Variants in DPP9 observed in about 807,000 individuals in gnomAD.
DPP9 encodes dipeptidyl peptidase 9.
Under a neutral mutation model 110.7 loss-of-function variants are expected in DPP9, and 50 were observed. The ratio of observed to expected loss-of-function variants is 0.45; its 90% confidence interval spans 0.36 to 0.57. The LOEUF (loss-of-function observed/expected upper bound fraction) is 0.57, where lower values mean the gene tolerates loss of function less well. DPP9 is among the 20% of genes least tolerant of loss of function. The pLI is 0.00. For missense variants in DPP9, 1,022 were observed against 1,217.9 expected, an observed-to-expected ratio of 0.84 and a Z score of 2.39; for synonymous variants, 561 against 514.4, an observed-to-expected ratio of 1.09 and a Z score of -1.23.
intron 13 of DPP9, among the ~76,000 whole-genome samples, chr19:4,692,342 G>C (rs10406145): frequency 0.34 from 51,888 of 151,972 alleles, 10,421 homozygotes; most frequent in African/African-American, 0.54. Flanking sequence ...AACAAGCTAC[G>C]GCAAACGTGT....
intron 13 of DPP9, among the ~76,000 whole-genome samples, chr19:4,692,815 A>G (rs1311090935): frequency 6.6e-6 from 1 of 152,120 alleles, no homozygotes; most frequent in Non-Finnish European, 1.5e-5. Context: ...AGAAAGTGAA[A>G]CACCAATGAG....
chr19:4,683,966 G>A (rs1457856505), intron 18 of DPP9: 1 of 603,726 alleles, frequency 1.7e-6, no homozygotes, highest in Admixed American at 3.2e-5. Flanking sequence ...GGGTGCCCAG[G>A]CATGTGCAAG....
rs1316937764 is a variant in DPP9 at position 4,700,650 on chromosome 19, C to T, written c.1013-373G>A. Among the ~76,000 whole-genome samples, 1 of 152,134 alleles carries T rather than the reference C, an allele frequency of 6.6e-6. No individual in the cohort carries two copies. Among genetic ancestry groups the T allele is most frequent in the Non-Finnish European group, 1.5e-5 (1 of 68,018 alleles). ...GAGCTCCAGAGCAGACGGTGAAGCCCGAGGCATCACAGTAAAACTGACAAC... is the reference window on the plus strand; with the variant it reads ...GAGCTCCAGAGCAGACGGTGAAGCCTGAGGCATCACAGTAAAACTGACAAC... On this transcript the variant is annotated intron_variant, in intron 9 of 21. Transcript: ENST00000262960. This position sits in a 1 kb window ranked among gnomAD's most constrained non-coding sequence, Gnocchi z 4.3.
At chr19:4,677,149 A>G (rs1337976280) in intron 21 of DPP9, among the ~76,000 whole-genome samples, 2 of 152,128 alleles carry the variant, frequency 1.3e-5, no homozygotes, top group African/African-American at 2.4e-5. Flanking sequence ...TTAGCGCCCA[A>G]GGGGGATCAA....
rs2089972546 is a variant in DPP9, at chr19:4,682,007, C to G, written c.2474+689G>C. On this transcript the variant is annotated intron_variant, in intron 20 of 21. Coordinates refer to ENST00000262960, the MANE Select transcript of DPP9 (RefSeq NM_139159.5). The surrounding 1 kb of genome is among the most constrained non-coding windows in gnomAD (Gnocchi z 7.1). The stretch of plus-strand genomic sequence containing the variant: ...GGGACTACAGGCACCCGCCACCACA[C>G]CCGGCTAATTTTTTGTATTTTTAGT... Among the ~76,000 whole-genome samples the G allele has an allele frequency of 6.6e-6, 1 of 152,036 alleles. No homozygotes were observed.
intron 14 of DPP9, 147 bp downstream of exon 14, chr19:4,690,731 T>G (rs2091236362): frequency 2.9e-6 from 2 of 701,420 alleles, no homozygotes; most frequent in Non-Finnish European, 4.9e-6. Flanking sequence ...AGCAGGGTCC[T>G]CACAGGTGTG....
At chr19:4,683,099 GCCTCCT>G (rs758791101) in intron 19 of DPP9, 2 of 1,481,506 alleles carry the variant, frequency 1.3e-6, no homozygotes, top group Admixed American at 2.1e-5. Flanking sequence ...CTGCCCGTCT[GCCTCCT>G]CCTCCTCCTC....
At chr19:4,679,017 C>G (rs1243748645) in intron 21 of DPP9, among the ~76,000 whole-genome samples, 1 of 151,920 alleles carries the variant, frequency 6.6e-6, no homozygotes, top group African/African-American at 2.4e-5. Context: ...AAGCCCCGCC[C>G]CCGCTGAGGC....
At chr19:4,692,835 G>T (rs2091447532) in intron 13 of DPP9, among the ~76,000 whole-genome samples, 1 of 152,178 alleles carries the variant, frequency 6.6e-6, no homozygotes, top group African/African-American at 2.4e-5. Context: ...GCCGAAGACA[G>T]CTCCCCTTTG....
chr19:4,684,740 A>AACGC lies in DPP9; in HGVS notation c.2100_2101insGCGT (p.Tyr701AlafsTer8). ...CTGCCGTCAATCACAACCACGGCGT[A>AACGC]GCCCAGGGAGGCCAGTGTGTTGAGC... is the stretch of plus-strand genomic sequence containing the variant. On this transcript the variant is annotated frameshift_variant, in exon 18 of 22. Coordinates refer to ENST00000262960, the MANE Select transcript of DPP9 (RefSeq NM_139159.5). LOFTEE classifies it high-confidence loss of function. This position sits in a 1 kb window ranked among gnomAD's most constrained non-coding sequence, Gnocchi z 4.8. 6.2e-7 allele frequency: 1 copy of AACGC among 1,609,970 alleles called. No homozygotes were observed. The highest frequency in any genetic ancestry group is 8.5e-7 in the Non-Finnish European group (1 of 1,178,244).
intron 20 of DPP9, 24 bp from the exon 21 acceptor site, chr19:4,679,970 C>A (rs2145293116): frequency 6.4e-7 from 1 of 1,573,450 alleles, no homozygotes. Context: ...GGGGAAGGGT[C>A]TGAGGCCAGG....
chr19:4,699,160 A>AG (rs1599909455), intron 10 of DPP9, among the ~76,000 whole-genome samples: 1 of 79,592 alleles, frequency 1.3e-5, no homozygotes, highest in South Asian at 5.1e-4. Context: ...CTCCACCTCA[A>AG]AAAAAAAAAA....
intron 1 of DPP9, among the ~76,000 whole-genome samples, chr19:4,723,246 GTGCAT>G (rs1351984901): frequency 4.6e-5 from 7 of 152,166 alleles, no homozygotes; most frequent in Non-Finnish European, 1.0e-4. Context: ...GGTGGCCTCT[GTGCAT>G]ATACAGCATT....
rs779332399 is a variant in DPP9 at position 4,685,787 on chromosome 19, C to T, written c.1886-16G>A. ...GGGGGGCAGCCTGCGGGAGACAGGG[C>T]GGCTATCTGGCTGCCCGGGGAAGCC... On this transcript the variant is annotated splice_polypyrimidine_tract_variant and intron_variant, in intron 16 of 21. Coordinates refer to ENST00000262960, the MANE Select transcript of DPP9 (RefSeq NM_139159.5). The surrounding 1 kb of genome is among the most constrained non-coding windows in gnomAD (Gnocchi z 5.8). 3.9e-5 allele frequency: 63 copies of T among 1,610,026 alleles called. 1 individual carries two copies. The highest frequency in any genetic ancestry group is 3.7e-4 in the South Asian group (34 of 90,950).
In DPP9 at chr19:4,694,660, C is replaced by A; in HGVS notation, c.1516+1G>T. On this transcript the variant is annotated splice_donor_variant, in intron 13 of 21. Transcript: ENST00000262960. LOFTEE classifies it high-confidence loss of function. The surrounding 1 kb of genome is among the most constrained non-coding windows in gnomAD (Gnocchi z 4.0). ...GACAGCATTCGTCAGGCTCTGCTCA[C>A]CTTCCCCGGGGCTGAAGGGCTCACT... The A allele has an allele frequency of 6.2e-7, 1 of 1,610,082 alleles. No homozygotes were observed. The highest frequency in any genetic ancestry group is 8.5e-7 in the Non-Finnish European group (1 of 1,178,116).
intron 4 of DPP9, among the ~76,000 whole-genome samples, chr19:4,709,751 C>T (rs1413056462): frequency 6.6e-6 from 1 of 151,226 alleles, no homozygotes; most frequent in Non-Finnish European, 1.5e-5. Flanking sequence ...CTGAGTTTCA[C>T]ACCTTCAAAA....
chr19:4,702,196 G>A (rs761167336), intron 8 of DPP9, 41 bp from the exon 9 acceptor site: 3 of 1,581,770 alleles, frequency 1.9e-6, no homozygotes, highest in Non-Finnish European at 2.6e-6. Flanking sequence ...GGTGCCAGAG[G>A]CAGAGTCCCT....
chr19:4,684,874 G>A lies in DPP9; in HGVS notation c.2032-65C>T, dbSNP rs1599873095. ...CGGGCAGGACGGGCCTGGCAGGGGAGATGCCGGTGGGCTGGGGACCGGGCC... is the reference window on the plus strand; with the variant it reads ...CGGGCAGGACGGGCCTGGCAGGGGAAATGCCGGTGGGCTGGGGACCGGGCC... On this transcript the variant is annotated intron_variant, in intron 17 of 21. Coordinates refer to ENST00000262960, the MANE Select transcript of DPP9 (RefSeq NM_139159.5). This position sits in a 1 kb window ranked among gnomAD's most constrained non-coding sequence, Gnocchi z 4.8. The A allele has an allele frequency of 6.4e-7, 1 of 1,550,976 alleles. No individual in the cohort carries two copies. The highest frequency in any genetic ancestry group is 8.7e-7 in the Non-Finnish European group (1 of 1,146,600).
chr19:4,697,697 CGCTGCTCGGA>C, intron 10 of DPP9, 46 bp from the exon 11 acceptor site: 1 of 1,556,876 alleles, frequency 6.4e-7, no homozygotes, highest in Non-Finnish European at 8.8e-7. Context: ...GCCTGCCCGG[CGCTGCTCGGA>C]GGAGAAGGCC....
Sources: allele counts gnomAD v4.1 joint callset (sites outside exome capture counted in the v4.1 genomes callset), GRCh38; gene constraint gnomAD v4.1.1; non-coding constraint Gnocchi (gnomAD v3.1); transcripts MANE v1.5; gene names NCBI Gene and HGNC (gene_info 2026-07-23, HGNC 2026-07-21).